MTFR1: variants seen among roughly 807,000 people sequenced by gnomAD.
MTFR1 encodes the protein chondrocyte protein with a poly-proline region.
In MTFR1, 28 loss-of-function variants were observed where a neutral mutation model predicts 38.8. That is an observed-to-expected ratio of 0.72 (90% CI 0.53 to 0.99). MTFR1 has a LOEUF of 0.99. MTFR1 is among the 50% of genes least tolerant of loss of function. The pLI is 0.00. For missense variants in MTFR1, 358 were observed against 395.5 expected, an observed-to-expected ratio of 0.91 and a Z score of 0.81; for synonymous variants, 145 against 137.0, an observed-to-expected ratio of 1.06 and a Z score of -0.41.
intron 3 of MTFR1, among the ~76,000 whole-genome samples, chr8:65,735,086 C>A (rs1807069617): frequency 6.6e-6 from 1 of 152,180 alleles, no homozygotes; most frequent in Admixed American, 6.5e-5. Flanking sequence ...ATTTGACTCT[C>A]TATGCTATCA....
At chr8:65,675,118 C>T (rs566877057) in intron 2 of MTFR1, among the ~76,000 whole-genome samples, 1 of 152,154 alleles carries the variant, frequency 6.6e-6, no homozygotes, top group Admixed American at 6.5e-5. Flanking sequence ...TAGTGAAACC[C>T]TGTCTCTACT....
chr8:65,711,394 A>G (rs992330326), downstream of MTFR1, among the ~76,000 whole-genome samples: 1 of 152,214 alleles, frequency 6.6e-6, no homozygotes, highest in African/African-American at 2.4e-5. Flanking sequence ...CATAGTTCTG[A>G]TAACTTCCCC....
rs558718366 is a variant in MTFR1, at chr8:65,716,231, T to G, written c.382-3149T>G. ...ACAACTTTTCAATGGGTTTATTATA[T>G]GTGTAGGCAGGAAATGGGAGCCACA... is the stretch of plus-strand genomic sequence containing the variant. On this transcript the variant is annotated intron_variant, in intron 2 of 3. Coordinates refer to the MTFR1 transcript ENST00000521247. Among the ~76,000 whole-genome samples, 22 of 152,034 alleles carry G rather than the reference T, an allele frequency of 1.4e-4. No individual in the cohort carries two copies. In the South Asian group the frequency reaches 4.6e-3, roughly 32 times the overall value.
At chr8:65,662,078 CAG>C (rs1305365290) in intron 1 of MTFR1, among the ~76,000 whole-genome samples, 115 of 80,270 alleles carry the variant, frequency 1.4e-3, no homozygotes, top group South Asian at 9.4e-3. Context: ...TCTCTTTCCA[CAG>C]TCTCCCTCTC....
chr8:65,774,323 TAA>T (rs10627866), downstream of MTFR1, among the ~76,000 whole-genome samples: 1 of 152,098 alleles, frequency 6.6e-6, no homozygotes, highest in African/African-American at 2.4e-5. Context: ...GAGAATATTA[TAA>T]AAAGTTATAT....
intron 3 of MTFR1, among the ~76,000 whole-genome samples, chr8:65,749,496 A>G (rs1213802317): frequency 6.6e-6 from 1 of 152,220 alleles, no homozygotes; most frequent in East Asian, 1.9e-4. Context: ...CTTACTTTAA[A>G]AAAAGGACTA....
upstream of MTFR1, among the ~76,000 whole-genome samples, chr8:65,644,124 C>T (rs1357858273): frequency 6.6e-6 from 1 of 152,226 alleles, no homozygotes; most frequent in Non-Finnish European, 1.5e-5. Context: ...ATCATATTTT[C>T]ACGACAATTA....
chr8:65,649,743 T>G (rs1809065582), intron 1 of MTFR1, among the ~76,000 whole-genome samples: 1 of 152,140 alleles, frequency 6.6e-6, no homozygotes, highest in South Asian at 2.1e-4. Flanking sequence ...TCTTATTCAT[T>G]CTAACTGTAT....
intron 2 of MTFR1, among the ~76,000 whole-genome samples, chr8:65,717,208 C>T (rs1421843819): frequency 1.3e-5 from 2 of 152,148 alleles, no homozygotes; most frequent in South Asian, 2.1e-4. Flanking sequence ...CTCTTCTGTA[C>T]AAATAATATG....
intron 1 of MTFR1, among the ~76,000 whole-genome samples, chr8:65,664,198 G>A (rs1361111731): frequency 1.3e-5 from 2 of 152,186 alleles, no homozygotes; most frequent in Non-Finnish European, 2.9e-5. Flanking sequence ...ATGCTCAAGA[G>A]AAATGAGCAT....
chr8:65,686,848 C>A (rs528048858), intron 3 of MTFR1, among the ~76,000 whole-genome samples: 2 of 150,302 alleles, frequency 1.3e-5, no homozygotes, highest in African/African-American at 4.9e-5. Context: ...TGCCTGAACC[C>A]GGGAACTGGA....
At chr8:65,653,251 G>A (rs994407174) in intron 1 of MTFR1, among the ~76,000 whole-genome samples, 17 of 152,196 alleles carry the variant, frequency 1.1e-4, no homozygotes, top group Non-Finnish European at 2.2e-4. Context: ...GCACACGCCT[G>A]TAATCCCAGC....
chr8:65,740,970 C>G (rs1351943109), intron 3 of MTFR1, among the ~76,000 whole-genome samples: 1 of 152,224 alleles, frequency 6.6e-6, no homozygotes, highest in African/African-American at 2.4e-5. Context: ...GCAATGGGGA[C>G]TGTTTTCGTC....
chr8:65,692,760 G>A (rs930037127), intron 3 of MTFR1, among the ~76,000 whole-genome samples: 1 of 151,326 alleles, frequency 6.6e-6, no homozygotes, highest in Admixed American at 6.6e-5. Context: ...AAAATTTAGG[G>A]GATTTAAGGA....
At chr8:65,719,411 T>C in exon 3 of MTFR1, 2 of 1,614,086 alleles carry the variant, frequency 1.2e-6, no homozygotes, top group African/African-American at 2.7e-5. Flanking sequence ...CAGCCCCACG[T>C]GTCCAAGCAT....
chr8:65,778,371 A>C, the MTFR1 span, among the ~76,000 whole-genome samples: 1 of 152,196 alleles, frequency 6.6e-6, no homozygotes, highest in Admixed American at 6.5e-5. Context: ...CTAAGAGTGC[A>C]GAAGCCATCT....
At chr8:65,754,900 G>A (rs963253287) in intron 3 of MTFR1, among the ~76,000 whole-genome samples, 64 of 150,374 alleles carry the variant, frequency 4.3e-4, no homozygotes, top group African/African-American at 1.5e-3. Flanking sequence ...GGGAGGCGGA[G>A]GTTGCAGTGA....
intron 3 of MTFR1, among the ~76,000 whole-genome samples, chr8:65,690,461 G>A (rs113786780): frequency 0.021 from 3,181 of 152,134 alleles, 110 homozygotes; most frequent in African/African-American, 0.072. Context: ...CTTGGGAGGC[G>A]GGAGGTTGCA....
At chr8:65,703,252 G>A (rs927644678) in intron 4 of MTFR1, among the ~76,000 whole-genome samples, 2 of 151,888 alleles carry the variant, frequency 1.3e-5, no homozygotes, top group Non-Finnish European at 2.9e-5. Flanking sequence ...AGGCATGGGT[G>A]GCACGCACCT....
Sources: gnomAD v4.1 joint callset for allele counts (sites outside exome capture counted in the v4.1 genomes callset) on GRCh38, gnomAD v4.1.1 for gene constraint, MANE v1.5 for transcripts, NCBI Gene and HGNC (gene_info 2026-07-23, HGNC 2026-07-21) for gene names.